Variants in JPH3 observed in about 807,000 individuals in gnomAD.
The protein encoded by JPH3 is junctophilin-3.
A neutral mutation model predicts 59.6 loss-of-function variants in JPH3; 11 were observed. The observed-to-expected ratio is 0.18, with a 90% CI of 0.12 to 0.31. JPH3 has a LOEUF of 0.31. JPH3 is among the 10% of genes least tolerant of loss of function. The pLI, the probability that JPH3 is intolerant of heterozygous loss-of-function variation, is 1.00. For missense variants in JPH3, 1,202 were observed against 1,105.7 expected (o/e 1.09, Z -1.24); for synonymous variants, 673 against 483.6 (o/e 1.39, Z -5.14).
chr16:87,654,634 C>T (rs2032433171), intron 2 of JPH3: 2 of 152,248 alleles, frequency 1.3e-5, no homozygotes, highest in Admixed American at 1.3e-4. Context: ...CTGGGATGCT[C>T]AGGTCATCCC....
chr16:87,623,808 T>A (rs1242629362), intron 1 of JPH3, among the ~76,000 whole-genome samples: 1 of 152,194 alleles, frequency 6.6e-6, no homozygotes, highest in Non-Finnish European at 1.5e-5. Flanking sequence ...GGGGCAAAGC[T>A]TGAAAACTGT....
chr16:87,686,794 C>T (rs1223484428), intron 3 of JPH3, among the ~76,000 whole-genome samples: 1 of 152,192 alleles, frequency 6.6e-6, no homozygotes, highest in Non-Finnish European at 1.5e-5. Flanking sequence ...GAAGCTGCCT[C>T]CTCCGACAGT....
intron 2 of JPH3, among the ~76,000 whole-genome samples, chr16:87,681,590 G>T (rs970250008): frequency 4.2e-5 from 6 of 144,370 alleles, no homozygotes; most frequent in Non-Finnish European, 9.0e-5. Context: ...GGGAGGTCAG[G>T]TGCGCGCGGT....
At chr16:87,696,022 A>C (rs2033829530) in intron 4 of JPH3, 1 of 456,002 alleles carries the variant, frequency 2.2e-6, no homozygotes. Context: ...AGTCCTCCAG[A>C]GCCAGTTGGC....
intron 2 of JPH3, among the ~76,000 whole-genome samples, chr16:87,662,615 C>T (rs2032740859): frequency 1.3e-5 from 2 of 152,214 alleles, no homozygotes; most frequent in African/African-American, 4.8e-5. Flanking sequence ...CCCCTGGTGG[C>T]CCCTCCAGAG....
intron 2 of JPH3, among the ~76,000 whole-genome samples, chr16:87,662,840 C>G (rs1190315083): frequency 6.6e-6 from 1 of 152,248 alleles, no homozygotes. Context: ...AGCCTGGGAC[C>G]TGGGATGGCC....
chr16:87,628,800 G>A (rs978404277), intron 1 of JPH3, among the ~76,000 whole-genome samples: 1 of 152,008 alleles, frequency 6.6e-6, no homozygotes, highest in Non-Finnish European at 1.5e-5. Context: ...GTGAGGTCGG[G>A]GTAAGAGAAA....
Position 87,657,557 on chromosome 16 carries a change from A to AT in JPH3, c.1160+12524dup, listed in dbSNP as rs200680880. 1.4e-4 allele frequency among the ~76,000 whole-genome samples: 21 copies of AT among 152,304 alleles called. 1 individual carries two copies. The East Asian group carries it at 3.9e-3, about 28-fold the overall frequency. On this transcript the variant is annotated intron_variant, in intron 2 of 4. Coordinates refer to ENST00000284262, the MANE Select transcript of JPH3 (RefSeq NM_020655.4). ...GTTAAAGTGGCAAGTTTTATGTTAT[A>AT]TTAAAAAAATCATATATAGAAAGGA...
At position 87,617,182 on chromosome 16, in the gene JPH3, C is replaced by T. The variant is rs930748334; in HGVS notation, c.382+13654C>T. Among the ~76,000 whole-genome samples the T allele has an allele frequency of 9.9e-5, 15 of 151,210 alleles. No individual in the cohort carries two copies. In the East Asian group the frequency reaches 2.1e-3, roughly 21 times the overall value. On this transcript the variant is annotated intron_variant, in intron 1 of 4. Transcript: ENST00000284262. ...AGGTTGCAGTGAGCCGAGATTGCGC[C>T]GTTGCACTCCAGCCTGGGTGACAGA...
chr16:87,612,529 C>T (rs2030768058), intron 1 of JPH3, among the ~76,000 whole-genome samples: 1 of 152,184 alleles, frequency 6.6e-6, no homozygotes, highest in African/African-American at 2.4e-5. Context: ...GCGTCTGTAG[C>T]TGGACATCAC....
intron 2 of JPH3, among the ~76,000 whole-genome samples, chr16:87,680,330 A>AGGGCTGCGGCGTGTGGAG (rs1445097065): frequency 1.9e-5 from 2 of 107,182 alleles, no homozygotes; most frequent in African/African-American, 6.6e-5. Context: ...CCAGGGATGA[A>AGGGCTGCGGCGTGTGGAG]GGGCTGCGGC....
intron 2 of JPH3, 50 bp from the exon 3 acceptor site, chr16:87,684,092 T>C (rs983094917): frequency 1.7e-5 from 24 of 1,443,522 alleles, no homozygotes; most frequent in Non-Finnish European, 2.2e-5. Context: ...CCCAGACCCC[T>C]GTCACCTGTG....
At chr16:87,605,481 C>G (rs1183923834) in intron 1 of JPH3, among the ~76,000 whole-genome samples, 1 of 152,198 alleles carries the variant, frequency 6.6e-6, no homozygotes, top group Non-Finnish European at 1.5e-5. Flanking sequence ...CCTCACGGAG[C>G]TTACATTTGA....
chr16:87,641,384 G>A (rs1203882778), intron 1 of JPH3, among the ~76,000 whole-genome samples: 1 of 152,166 alleles, frequency 6.6e-6, no homozygotes, highest in East Asian at 1.9e-4. Flanking sequence ...GACGTTGATG[G>A]CAGTGGACTT....
chr16:87,690,869 C>T (rs996489144), intron 4 of JPH3, among the ~76,000 whole-genome samples: 10 of 152,244 alleles, frequency 6.6e-5, no homozygotes, highest in Non-Finnish European at 1.3e-4. Flanking sequence ...GGTCAGTAGC[C>T]TTGGGCCGTG....
chr16:87,696,019 C>T (rs779617688), intron 4 of JPH3: 1 of 456,106 alleles, frequency 2.2e-6, no homozygotes, highest in South Asian at 1.5e-5. Flanking sequence ...CACAGTCCTC[C>T]AGAGCCAGTT....
chr16:87,669,693 A>G (rs1475109660), intron 2 of JPH3, among the ~76,000 whole-genome samples: 2 of 152,168 alleles, frequency 1.3e-5, no homozygotes, highest in Non-Finnish European at 2.9e-5. Context: ...CCGCCTGGTC[A>G]GAGCGGGAGG....
intron 2 of JPH3, among the ~76,000 whole-genome samples, chr16:87,648,320 C>T (rs918383512): frequency 6.6e-6 from 1 of 152,152 alleles, no homozygotes. Context: ...GCTCAGGCGC[C>T]CACAGCCCCA....
rs757230956 is a variant in JPH3 at position 87,690,488 on chromosome 16, T to G, written c.2128T>G (p.Ser710Ala). The G allele has an allele frequency of 6.7e-7, 1 of 1,486,764 alleles. No homozygotes were observed. The highest frequency in any genetic ancestry group is 8.9e-7 in the Non-Finnish European group (1 of 1,119,852). 92.1% of individuals were successfully genotyped at this position (1,486,764 alleles called of 1,614,324 possible). Residue 710 changes from serine to alanine, a missense_variant, in exon 4 of 5, where the codon TCC becomes GCC. Transcript: ENST00000284262. ...PQKSLPVALE[S>A]DEENGDELKS... ...GAAATCCTTGCCTGTCGCTCTAGAG[T>G]CCGACGAGGAGAATGGGGATGAGCT...
Sources: gnomAD v4.1 joint callset for allele counts (sites outside exome capture counted in the v4.1 genomes callset) on GRCh38, gnomAD v4.1.1 for gene constraint, MANE v1.5 for transcripts, NCBI Gene and HGNC (gene_info 2026-07-23, HGNC 2026-07-21) for gene names.